AGBL3: variants seen among roughly 807,000 people sequenced by gnomAD.
The protein encoded by AGBL3 is AGBL carboxypeptidase 3.
AGBL3 carries 68 observed loss-of-function variants against 94.5 expected under a neutral mutation model. The observed-to-expected ratio is 0.72, with a 90% confidence interval of 0.59 to 0.88. AGBL3 has a LOEUF of 0.88. AGBL3 is among the 40% of genes least tolerant of loss of function. AGBL3 has a pLI of 0.00. For missense variants in AGBL3, 934 were observed against 1,103.8 expected (o/e 0.85, Z 2.18); for synonymous variants, 354 against 370.7 (o/e 0.95, Z 0.52).
At chr7:135,083,153 T>A (rs753578370) in intron 15 of AGBL3, among the ~76,000 whole-genome samples, 1 of 152,118 alleles carries the variant, frequency 6.6e-6, no homozygotes, top group Non-Finnish European at 1.5e-5. Context: ...TTAACTACCA[T>A]CATTACCATC....
rs180780302 is a variant in AGBL3, at chr7:135,063,878, A to C, written c.1908+4643A>C. Among the ~76,000 whole-genome samples, 257 of 152,284 alleles carry C rather than the reference A, an allele frequency of 1.7e-3. 2 individuals are homozygous for C. Among genetic ancestry groups the C allele is most frequent in the African/African-American group, 6.1e-3 (254 of 41,560 alleles). On this transcript the variant is annotated intron_variant, in intron 12 of 16. Coordinates refer to ENST00000436302, the MANE Select transcript of AGBL3 (RefSeq NM_178563.4). The stretch of plus-strand genomic sequence containing the variant: ...CAAACATGTATTTTCTTGTTCATGA[A>C]TCTGAAGGTCAGCAGTGGCTCTACT...
chr7:135,115,699 A>G, intron 16 of AGBL3, 88 bp downstream of exon 16: 10 of 1,125,082 alleles, frequency 8.9e-6, no homozygotes, highest in Non-Finnish European at 1.2e-5. Flanking sequence ...CCTACGAAAA[A>G]AAAATCTGCT....
chr7:135,059,647 T>C (rs770488776), intron 12 of AGBL3, among the ~76,000 whole-genome samples: 3 of 152,206 alleles, frequency 2.0e-5, no homozygotes, highest in Non-Finnish European at 4.4e-5. Context: ...TTTGTTATCT[T>C]ACATTCTGGC....
chr7:135,023,638 G>T (rs73153720), intron 5 of AGBL3, among the ~76,000 whole-genome samples: 2 of 152,046 alleles, frequency 1.3e-5, no homozygotes, highest in African/African-American at 4.8e-5. Context: ...CTAATATAAG[G>T]CCCCCTATGT....
intron 16 of AGBL3, among the ~76,000 whole-genome samples, chr7:135,121,151 G>A (rs899433288): frequency 5.3e-5 from 8 of 152,176 alleles, no homozygotes; most frequent in East Asian, 3.9e-4. Context: ...GTTGCGGTGA[G>A]CCAAGATGGT....
At chr7:135,098,533 G>A (rs1823271767) in intron 15 of AGBL3, among the ~76,000 whole-genome samples, 1 of 152,168 alleles carries the variant, frequency 6.6e-6, no homozygotes, top group Non-Finnish European at 1.5e-5. Flanking sequence ...CACAAACAAT[G>A]CCAACTGTAT....
chr7:135,122,645 G>A (rs1306030329), intron 16 of AGBL3, among the ~76,000 whole-genome samples: 1 of 152,120 alleles, frequency 6.6e-6, no homozygotes, highest in Non-Finnish European at 1.5e-5. Context: ...GCATCAGGCT[G>A]GTACCCCTTG....
intron 5 of AGBL3, among the ~76,000 whole-genome samples, chr7:135,023,778 G>A (rs1186977541): frequency 6.6e-6 from 1 of 152,168 alleles, no homozygotes; most frequent in African/African-American, 2.4e-5. Context: ...CCTTCCCAAG[G>A]CCCCTGCCTA....
intron 5 of AGBL3, among the ~76,000 whole-genome samples, chr7:135,020,632 C>G (rs924405996): frequency 6.6e-6 from 1 of 152,086 alleles, no homozygotes; most frequent in African/African-American, 2.4e-5. Context: ...CGGCACTATT[C>G]ACAATAGCAA....
Position 135,003,381 on chromosome 7 carries a change from A to C in AGBL3, c.310+9703A>C, listed in dbSNP as rs574484839. Among the ~76,000 whole-genome samples the C allele has an allele frequency of 6.6e-5, 10 of 152,148 alleles. No homozygotes were observed. In the South Asian group the frequency reaches 2.1e-3, roughly 32 times the overall value. ...TCTATTACTATAGCTTTTAAAGTAT[A>C]ATTCTGTTGTGTGATAAACTTAGTT... On this transcript the variant is annotated intron_variant, in intron 4 of 16. Coordinates refer to ENST00000436302, the MANE Select transcript of AGBL3 (RefSeq NM_178563.4).
chr7:135,080,156 C>A, intron 13 of AGBL3, 47 bp from the exon 14 acceptor site: 1 of 1,350,798 alleles, frequency 7.4e-7, no homozygotes, highest in Non-Finnish European at 1.0e-6. Context: ...TACCCCATTT[C>A]ATGTTGATAA....
At chr7:135,091,060 G>A (rs1044881965) in intron 15 of AGBL3, among the ~76,000 whole-genome samples, 18 of 152,150 alleles carry the variant, frequency 1.2e-4, no homozygotes, top group African/African-American at 4.3e-4. Context: ...GTCAGTAGGT[G>A]TCTAATGTGT....
chr7:135,099,565 A>T (rs181607744), intron 15 of AGBL3, among the ~76,000 whole-genome samples: 1 of 152,162 alleles, frequency 6.6e-6, no homozygotes. Flanking sequence ...CTTCTAAAAA[A>T]ATATTTGAGG....
At chr7:135,066,971 G>A (rs533334946) in intron 12 of AGBL3, among the ~76,000 whole-genome samples, 1 of 152,338 alleles carries the variant, frequency 6.6e-6, no homozygotes, top group African/African-American at 2.4e-5. Flanking sequence ...AGGGGTCAGG[G>A]AATTCCCTTT....
At chr7:135,087,049 C>G (rs1821389336) in intron 15 of AGBL3, among the ~76,000 whole-genome samples, 1 of 151,844 alleles carries the variant, frequency 6.6e-6, no homozygotes, top group African/African-American at 2.4e-5. Context: ...TTTGGGTTTT[C>G]TATTTCTTCT....
In AGBL3 at chr7:135,034,707, G is replaced by A. The variant is rs1400708165; in HGVS notation, c.1116G>A (p.Trp372Ter). ...RVHPGETNSS[W>*]IMKGFLDYIL... is the part of the protein sequence containing the mutation. ...ATCCAGGGGAAACCAACAGCTCTTG[G>A]ATCATGAAAGGCTTCCTAGATTATA... The change falls in exon 7 of 17, where the codon TGG becomes TGA. Residue 372 changes from tryptophan to a stop codon, truncating the protein, a stop_gained. Coordinates refer to ENST00000436302, the MANE Select transcript of AGBL3 (RefSeq NM_178563.4). LOFTEE classifies it high-confidence loss of function. 1 of 1,550,860 alleles carries A rather than the reference G, an allele frequency of 6.4e-7. No individual in the cohort carries two copies. Among genetic ancestry groups the A allele is most frequent in the South Asian group, 1.2e-5 (1 of 83,956 alleles).
chr7:134,994,405 A>G (rs1363111283), intron 4 of AGBL3, among the ~76,000 whole-genome samples: 1 of 143,902 alleles, frequency 6.9e-6, no homozygotes, highest in African/African-American at 2.7e-5. Flanking sequence ...ATATTTCTGT[A>G]TGTGTCCATT....
intron 11 of AGBL3, among the ~76,000 whole-genome samples, chr7:135,046,361 C>A (rs1452309677): frequency 1.3e-5 from 2 of 152,068 alleles, no homozygotes; most frequent in Non-Finnish European, 2.9e-5. Context: ...TATTAGGCTT[C>A]ACTCTTGGTG....
At chr7:135,128,420 G>T (rs1024538710) in intron 16 of AGBL3, 1 of 650,820 alleles carries the variant, frequency 1.5e-6, no homozygotes, top group Admixed American at 2.0e-5. Context: ...TGGTCATCTT[G>T]GTTTTGTTCC....
Sources: allele counts gnomAD v4.1 joint callset (sites outside exome capture counted in the v4.1 genomes callset), GRCh38; gene constraint gnomAD v4.1.1; transcripts MANE v1.5; gene names NCBI Gene and HGNC (gene_info 2026-07-23, HGNC 2026-07-21).